Variants in PTK2 observed in about 807,000 individuals in gnomAD.
The protein encoded by PTK2 is protein tyrosine kinase 2.
A neutral mutation model predicts 150.1 loss-of-function variants in PTK2; 45 were observed. The ratio of observed to expected loss-of-function variants is 0.30; its 90% CI spans 0.24 to 0.38. The LOEUF (loss-of-function observed/expected upper bound fraction) is 0.38. Ranked by LOEUF, PTK2 falls within the 10% of genes least tolerant of loss-of-function variation. PTK2 has a pLI of 1.00. For missense variants in PTK2, 919 were observed against 1,307.3 expected (o/e 0.70, Z 4.58); for synonymous variants, 432 against 449.2 (o/e 0.96, Z 0.48).
Position 140,818,872 on chromosome 8 carries a change from A to C in PTK2, c.789+8T>G. The C allele has an allele frequency of 6.2e-7, 1 of 1,612,332 alleles. No individual in the cohort carries two copies. Among genetic ancestry groups the C allele is most frequent in the Non-Finnish European group, 8.5e-7 (1 of 1,179,226 alleles). On this transcript the variant is annotated splice_region_variant and intron_variant, in intron 9 of 31. Transcript: ENST00000522684. ...CTAGCCCACTATTTCCCATATTCCC[A>C]TACTTACACCAAGAGCACACTTGAA...
intron 1 of PTK2, among the ~76,000 whole-genome samples, chr8:140,947,282 C>T (rs983053166): frequency 1.3e-5 from 2 of 152,128 alleles, no homozygotes; most frequent in African/African-American, 4.8e-5. Flanking sequence ...ATACAGAAGG[C>T]ATTATAAAAG....
intron 2 of PTK2, among the ~76,000 whole-genome samples, chr8:140,907,406 G>C (rs964329606): frequency 6.6e-6 from 1 of 151,956 alleles, no homozygotes; most frequent in East Asian, 1.9e-4. Context: ...ACATCATATC[G>C]GCGCTCAAAA....
At chr8:140,717,447 G>C in intron 23 of PTK2, 151 bp downstream of exon 26, 1 of 618,022 alleles carries the variant, frequency 1.6e-6, no homozygotes, top group Non-Finnish European at 2.9e-6. Context: ...ACGAGAAGAC[G>C]AGCAAAAAGG....
chr8:140,760,249 T>C (rs1052540909), intron 16 of PTK2, among the ~76,000 whole-genome samples: 3 of 151,880 alleles, frequency 2.0e-5, no homozygotes, highest in South Asian at 4.2e-4. Flanking sequence ...ACAAAACATA[T>C]ATATATATAT....
rs556122615 is a variant in PTK2 at position 140,752,417 on chromosome 8, G to A, written c.1333-101C>T. The stretch of plus-strand genomic sequence containing the variant: ...CTGTTTTGCAACTATGTGGGTTATG[G>A]ACCAGACAGAATCAGAACGGCAAAA... On this transcript the variant is annotated intron_variant, in intron 16 of 31. Transcript: ENST00000522684. 5 of 990,782 alleles carry A rather than the reference G, an allele frequency of 5.0e-6. No homozygotes were observed. The South Asian group carries it at 5.7e-5, about 11-fold the overall frequency. 61.4% of individuals were successfully genotyped at this position (990,782 alleles called of 1,614,324 possible).
chr8:140,849,983 T>C (rs567892526), intron 5 of PTK2, among the ~76,000 whole-genome samples: 1 of 152,168 alleles, frequency 6.6e-6, no homozygotes, highest in Non-Finnish European at 1.5e-5. Context: ...ATCCCCAGTA[T>C]CAACCACAAT....
At chr8:140,896,864 T>C (rs1040257015) in intron 2 of PTK2, among the ~76,000 whole-genome samples, 3 of 145,270 alleles carry the variant, frequency 2.1e-5, no homozygotes, top group Non-Finnish European at 4.5e-5. Flanking sequence ...ACTATGTAAG[T>C]AAAACTATAA....
chr8:140,804,855 G>A (rs969517788), intron 10 of PTK2, among the ~76,000 whole-genome samples: 22 of 152,246 alleles, frequency 1.4e-4, no homozygotes, highest in African/African-American at 5.1e-4. Flanking sequence ...TCCATTCTCT[G>A]GTCCCAGGCT....
At chr8:140,927,975 A>AAAAAAAAAAAAT in intron 1 of PTK2, among the ~76,000 whole-genome samples, 2 of 48,196 alleles carry the variant, frequency 4.1e-5, no homozygotes, top group African/African-American at 9.8e-5. Flanking sequence ...AAAAAAAAAA[A>AAAAAAAAAAAAT]ATATATATAT....
At chr8:140,769,884 C>T (rs895974798) in intron 14 of PTK2, among the ~76,000 whole-genome samples, 1 of 152,214 alleles carries the variant, frequency 6.6e-6, no homozygotes, top group Non-Finnish European at 1.5e-5. Flanking sequence ...GATTCTGCCA[C>T]ACTAAGCAAA....
intron 1 of PTK2, among the ~76,000 whole-genome samples, chr8:140,938,447 G>A (rs553294590): frequency 3.4e-4 from 52 of 152,104 alleles, no homozygotes; most frequent in African/African-American, 1.1e-3. Context: ...AGAGAACACC[G>A]CCCCACTCCT....
intron 14 of PTK2, among the ~76,000 whole-genome samples, chr8:140,766,675 C>T (rs2100072465): frequency 1.3e-5 from 2 of 152,174 alleles, no homozygotes; most frequent in Admixed American, 1.3e-4. Flanking sequence ...TGCACTGCAA[C>T]AATCAGTAAA....
intron 3 of PTK2, among the ~76,000 whole-genome samples, chr8:140,884,781 C>T (rs1180675545): frequency 2.0e-5 from 3 of 152,182 alleles, no homozygotes; most frequent in East Asian, 1.9e-4. Flanking sequence ...TTGAACACAA[C>T]GTTACTTCCC....
intron 27 of PTK2, among the ~76,000 whole-genome samples, chr8:140,681,927 T>C (rs555292600): frequency 2.6e-4 from 40 of 152,290 alleles, no homozygotes; most frequent in African/African-American, 8.4e-4. Context: ...CCTTAAGCAG[T>C]AGGATATAAA....
At chr8:140,827,480 C>G (rs775065555) in intron 8 of PTK2, among the ~76,000 whole-genome samples, 31 of 152,062 alleles carry the variant, frequency 2.0e-4, no homozygotes, top group Non-Finnish European at 4.1e-4. Context: ...GAAGCCTAAA[C>G]GATAGCCTGG....
intron 22 of PTK2, among the ~76,000 whole-genome samples, chr8:140,725,831 A>C (rs1413625050): frequency 2.7e-5 from 4 of 149,306 alleles, no homozygotes; most frequent in Admixed American, 2.0e-4. Context: ...ATAATCTAAC[A>C]TTCCTTGATA....
chr8:140,699,993 T>C (rs1193279147), intron 26 of PTK2, among the ~76,000 whole-genome samples: 2 of 152,178 alleles, frequency 1.3e-5, no homozygotes, highest in Non-Finnish European at 2.9e-5. Flanking sequence ...AACAAACTAA[T>C]ATGGTAGTAA....
chr8:140,986,846 T>A (rs1011056760), intron 1 of PTK2, among the ~76,000 whole-genome samples: 1 of 152,108 alleles, frequency 6.6e-6, no homozygotes, highest in African/African-American at 2.4e-5. Context: ...TACAAATCAT[T>A]TGGATCCAAA....
intron 7 of PTK2, chr8:140,832,916 A>G (rs1567202933): frequency 1.9e-6 from 1 of 519,032 alleles, no homozygotes; most frequent in Non-Finnish European, 3.8e-6. Context: ...TGGGTGAGGG[A>G]AAGACCAGGG....
Sources: gnomAD v4.1 joint callset for allele counts (sites outside exome capture counted in the v4.1 genomes callset) on GRCh38, gnomAD v4.1.1 for gene constraint, MANE v1.5 for transcripts, NCBI Gene and HGNC (gene_info 2026-07-23, HGNC 2026-07-21) for gene names.